GRM5: variants seen among roughly 807,000 people sequenced by gnomAD.
GRM5 encodes the protein metabotropic glutamate receptor 5.
In GRM5, 19 loss-of-function variants were observed where a neutral mutation model predicts 83.1. The observed-to-expected ratio is 0.23, with a 90% CI of 0.16 to 0.34. The LOEUF is 0.34. Among genes scored for constraint, GRM5 ranks in the 10% least tolerant of loss-of-function variants. GRM5 has a pLI of 1.00. For synonymous variants in GRM5, 675 were observed against 633.6 expected (o/e 1.07, Z -0.98); for missense variants, 1,160 against 1,588.3 (o/e 0.73, Z 4.58).
At chr11:88,654,672 AT>A (rs1254058867) in intron 3 of GRM5, among the ~76,000 whole-genome samples, 1 of 152,060 alleles carries the variant, frequency 6.6e-6, no homozygotes, top group Admixed American at 6.6e-5. Flanking sequence ...GTGGGAAGAG[AT>A]TTACACTACC....
chr11:89,014,590 A>C (rs1377078084), intron 2 of GRM5, among the ~76,000 whole-genome samples: 1 of 152,200 alleles, frequency 6.6e-6, no homozygotes, highest in Non-Finnish European at 1.5e-5. Flanking sequence ...AATAGAAAGA[A>C]TGAATAAGAC....
chr11:88,885,953 C>T (rs569856231), intron 2 of GRM5, among the ~76,000 whole-genome samples: 3 of 152,198 alleles, frequency 2.0e-5, no homozygotes, highest in Admixed American at 1.3e-4. Flanking sequence ...AAAGAGCAGA[C>T]GAGATGGTGC....
chr11:88,641,165 C>G (rs957980211), intron 4 of GRM5, among the ~76,000 whole-genome samples: 1 of 151,974 alleles, frequency 6.6e-6, no homozygotes, highest in Non-Finnish European at 1.5e-5. Flanking sequence ...CATGCCAGAG[C>G]AGGACCAAGA....
At chr11:89,000,960 A>G (rs1255451832) in intron 2 of GRM5, among the ~76,000 whole-genome samples, 11 of 139,832 alleles carry the variant, frequency 7.9e-5, no homozygotes, top group African/African-American at 7.4e-5. Context: ...TTCCAACATT[A>G]TTGGCCACCA....
At chr11:88,972,453 TAAC>T (rs1670188858) in intron 2 of GRM5, among the ~76,000 whole-genome samples, 2 of 152,126 alleles carry the variant, frequency 1.3e-5, no homozygotes, top group Non-Finnish European at 2.9e-5. Context: ...CTTTAACTCT[TAAC>T]AATAATAATG....
At chr11:88,529,146 A>G (rs1958207027) in intron 8 of GRM5, among the ~76,000 whole-genome samples, 1 of 152,094 alleles carries the variant, frequency 6.6e-6, no homozygotes, top group Middle Eastern at 3.4e-3. Flanking sequence ...TGCCTGTACC[A>G]GGCAGGTTTA....
intron 3 of GRM5, among the ~76,000 whole-genome samples, chr11:88,787,873 A>G (rs1249894480): frequency 1.3e-5 from 2 of 152,160 alleles, no homozygotes; most frequent in Non-Finnish European, 2.9e-5. Flanking sequence ...CTTTCTGGAT[A>G]TGTTAAGTTT....
At chr11:88,700,450 A>C (rs922271313) in intron 3 of GRM5, among the ~76,000 whole-genome samples, 3 of 152,188 alleles carry the variant, frequency 2.0e-5, no homozygotes, top group Non-Finnish European at 4.4e-5. Flanking sequence ...ACAACCTAGA[A>C]GCAATAGAGA....
At chr11:88,898,570 G>C (rs1455873240) in intron 2 of GRM5, among the ~76,000 whole-genome samples, 7 of 151,880 alleles carry the variant, frequency 4.6e-5, no homozygotes, top group Non-Finnish European at 1.0e-4. Flanking sequence ...TATAGCAGCT[G>C]CTGTATCACA....
At chr11:88,649,653 A>C (rs1939580095) in intron 4 of GRM5, among the ~76,000 whole-genome samples, 1 of 151,248 alleles carries the variant, frequency 6.6e-6, no homozygotes, top group African/African-American at 2.4e-5. Flanking sequence ...AGAAAAAAAT[A>C]AGAATGAAGC....
chr11:88,838,161 A>G (rs991594863), intron 3 of GRM5, among the ~76,000 whole-genome samples: 2 of 147,016 alleles, frequency 1.4e-5, no homozygotes, highest in Admixed American at 1.4e-4. Context: ...AAGTTAGGTT[A>G]ATATTACTCA....
chr11:88,587,802 C>A (rs1398638930), intron 7 of GRM5, among the ~76,000 whole-genome samples: 1 of 152,184 alleles, frequency 6.6e-6, no homozygotes. Flanking sequence ...ATCATTAGAT[C>A]ATGCTTTTTT....
At chr11:88,555,837 A>G (rs1273101943) in intron 8 of GRM5, among the ~76,000 whole-genome samples, 2 of 152,148 alleles carry the variant, frequency 1.3e-5, no homozygotes, top group African/African-American at 2.4e-5. Flanking sequence ...TTCATATTAT[A>G]TGATGCATAA....
intron 2 of GRM5, among the ~76,000 whole-genome samples, chr11:88,970,249 C>T (rs1161461963): frequency 6.6e-6 from 1 of 152,058 alleles, no homozygotes; most frequent in Non-Finnish European, 1.5e-5. Flanking sequence ...TTTTTTCTCA[C>T]CTACCTAATA....
intron 3 of GRM5, among the ~76,000 whole-genome samples, chr11:88,828,816 C>T (rs1943937305): frequency 6.6e-6 from 1 of 151,944 alleles, no homozygotes; most frequent in African/African-American, 2.4e-5. Flanking sequence ...TGGCTTTTCT[C>T]ATTATTAGCA....
chr11:88,955,063 GT>G (rs532906665), intron 2 of GRM5, among the ~76,000 whole-genome samples: 32 of 152,164 alleles, frequency 2.1e-4, no homozygotes, highest in African/African-American at 6.0e-4. Context: ...GCTTTCACGT[GT>G]TTTTTTTCCC....
At chr11:88,623,296 A>T (rs1938694565) in intron 4 of GRM5, among the ~76,000 whole-genome samples, 1 of 150,274 alleles carries the variant, frequency 6.7e-6, no homozygotes, top group Middle Eastern at 3.2e-3. Flanking sequence ...GTATTTTGTA[A>T]TTTTTTGTAT....
chr11:88,833,647 G>T (rs12288429), intron 3 of GRM5, among the ~76,000 whole-genome samples: 2 of 152,072 alleles, frequency 1.3e-5, no homozygotes. Context: ...AAATCAGTAG[G>T]TCAAAGAGAC....
intron 2 of GRM5, among the ~76,000 whole-genome samples, chr11:88,938,077 T>A (rs1288071812): frequency 2.0e-5 from 3 of 151,756 alleles, no homozygotes. Flanking sequence ...AAAATGATTA[T>A]GTGAGGTGAT....
Sources: allele counts gnomAD v4.1 joint callset (sites outside exome capture counted in the v4.1 genomes callset), GRCh38; gene constraint gnomAD v4.1.1; transcripts MANE v1.5; gene names NCBI Gene and HGNC (gene_info 2026-07-23, HGNC 2026-07-21).